Variants in EMSY observed in about 807,000 individuals in gnomAD.
EMSY encodes EMSY transcriptional repressor, BRCA2 interacting.
Under a neutral mutation model 134.6 loss-of-function variants are expected in EMSY, and 26 were observed. The ratio of observed to expected loss-of-function variants is 0.19; its 90% CI spans 0.14 to 0.27. The LOEUF is 0.27. Ranked by LOEUF, EMSY falls within the 10% of genes least tolerant of loss-of-function variation. EMSY has a pLI of 1.00. For missense variants in EMSY, 1,305 were observed against 1,611.4 expected (o/e 0.81, Z 3.26); for synonymous variants, 579 against 577.8 (o/e 1.00, Z -0.03).
intron 2 of EMSY, among the ~76,000 whole-genome samples, chr11:76,448,743 A>G (rs995803609): frequency 3.9e-5 from 6 of 152,110 alleles, no homozygotes; most frequent in African/African-American, 9.7e-5. Flanking sequence ...TATCATAACA[A>G]TGAAACCTTT....
At chr11:76,508,320 G>A (rs1052578153) in intron 9 of EMSY, among the ~76,000 whole-genome samples, 3 of 150,946 alleles carry the variant, frequency 2.0e-5, no homozygotes, top group South Asian at 2.1e-4. Context: ...ATTGTCAGTG[G>A]GTAGTAATAT....
intron 20 of EMSY, among the ~76,000 whole-genome samples, chr11:76,548,856 C>T (rs1426604300): frequency 1.3e-5 from 2 of 152,160 alleles, no homozygotes; most frequent in African/African-American, 4.8e-5. Context: ...TTCAACTTTG[C>T]TCTGGGGTTT....
At chr11:76,520,738 A>G (rs963462997) in intron 11 of EMSY, among the ~76,000 whole-genome samples, 1 of 152,184 alleles carries the variant, frequency 6.6e-6, no homozygotes, top group Non-Finnish European at 1.5e-5. Context: ...TATAACTAGA[A>G]TATTCTTATT....
chr11:76,480,596 T>C (rs1948934289), intron 8 of EMSY, among the ~76,000 whole-genome samples: 1 of 152,152 alleles, frequency 6.6e-6, no homozygotes, highest in African/African-American at 2.4e-5. Flanking sequence ...AGAGTTAATA[T>C]AAAAATGCTT....
chr11:76,491,595 C>T (rs1025128962), intron 8 of EMSY, among the ~76,000 whole-genome samples: 1 of 152,256 alleles, frequency 6.6e-6, no homozygotes, highest in Admixed American at 6.5e-5. Flanking sequence ...CAGAAGCCCT[C>T]ACCCAGTTTG....
At chr11:76,453,092 A>G (rs533052120) in intron 3 of EMSY, among the ~76,000 whole-genome samples, 1 of 152,308 alleles carries the variant, frequency 6.6e-6, no homozygotes, top group Non-Finnish European at 1.5e-5. Flanking sequence ...TATGATTTCT[A>G]ATTTGCAACT....
intron 9 of EMSY, among the ~76,000 whole-genome samples, chr11:76,499,813 T>TA: frequency 6.6e-6 from 1 of 152,122 alleles, no homozygotes; most frequent in East Asian, 1.9e-4. Flanking sequence ...CTTATGGTAT[T>TA]ACAGTATACA....
intron 9 of EMSY, among the ~76,000 whole-genome samples, chr11:76,510,583 C>G (rs1950239788): frequency 6.6e-6 from 1 of 152,156 alleles, no homozygotes; most frequent in Non-Finnish European, 1.5e-5. Flanking sequence ...GAGTCACTGC[C>G]TCACAAGCCA....
chr11:76,474,480 T>C (rs1948701310), intron 8 of EMSY, among the ~76,000 whole-genome samples: 1 of 152,188 alleles, frequency 6.6e-6, no homozygotes, highest in African/African-American at 2.4e-5. Context: ...AGGAAAACAG[T>C]GTCTTGATTG....
At chr11:76,479,664 G>C (rs1300729951) in intron 8 of EMSY, among the ~76,000 whole-genome samples, 7 of 152,220 alleles carry the variant, frequency 4.6e-5, no homozygotes, top group Admixed American at 2.6e-4. Flanking sequence ...AGCTGTTGGA[G>C]AAACTGGACA....
intron 9 of EMSY, among the ~76,000 whole-genome samples, chr11:76,498,809 T>C (rs1949745902): frequency 6.6e-6 from 1 of 152,242 alleles, no homozygotes. Flanking sequence ...CTGTAATTAA[T>C]ATAGCCACTC....
intron 2 of EMSY, among the ~76,000 whole-genome samples, chr11:76,450,904 C>G (rs1235255895): frequency 6.6e-6 from 1 of 151,860 alleles, no homozygotes; most frequent in Non-Finnish European, 1.5e-5. Flanking sequence ...AGTGATCCTC[C>G]CACGTCAGCC....
chr11:76,517,979 A>G (rs1030956678), intron 11 of EMSY, among the ~76,000 whole-genome samples: 3 of 151,854 alleles, frequency 2.0e-5, no homozygotes, highest in Non-Finnish European at 2.9e-5. Flanking sequence ...TATAAAGACA[A>G]TTTTCTTATT....
At chr11:76,504,108 C>T (rs2135960642) in intron 9 of EMSY, among the ~76,000 whole-genome samples, 1 of 151,700 alleles carries the variant, frequency 6.6e-6, no homozygotes, top group East Asian at 1.9e-4. Context: ...TTAAAAGATA[C>T]CATCAAGAAA....
chr11:76,471,788 A>C (rs565423547), intron 7 of EMSY, among the ~76,000 whole-genome samples: 1 of 152,294 alleles, frequency 6.6e-6, no homozygotes, highest in East Asian at 1.9e-4. Flanking sequence ...ACTTCTCTGC[A>C]GTTGTCTACT....
intron 9 of EMSY, among the ~76,000 whole-genome samples, chr11:76,501,736 C>A (rs76718217): frequency 6.6e-6 from 1 of 151,720 alleles, no homozygotes; most frequent in African/African-American, 2.4e-5. Context: ...AATGGAAGTA[C>A]GAGAGTTGGG....
rs184072275 is a variant in EMSY at position 76,549,321 on chromosome 11, T to C, written c.3775-631T>C. The stretch of plus-strand genomic sequence containing the variant: ...ATAGTGAGTACAATAGGAAACAATG[T>C]TGGGGTTTTAAACAAGAGTATGACA... On this transcript the variant is annotated intron_variant, in intron 20 of 20. Transcript: ENST00000334736. Among the ~76,000 whole-genome samples the C allele has an allele frequency of 2.0e-4, 31 of 152,192 alleles. No homozygotes were observed. The East Asian group carries it at 5.7e-3, about 28-fold the overall frequency.
chr11:76,498,307 A>G (rs1265438477), intron 9 of EMSY, among the ~76,000 whole-genome samples: 1 of 152,128 alleles, frequency 6.6e-6, no homozygotes, highest in Non-Finnish European at 1.5e-5. Flanking sequence ...TGTTGGGTGG[A>G]GTATTCTATA....
At chr11:76,524,391 C>T (rs955498151) in intron 12 of EMSY, among the ~76,000 whole-genome samples, 3 of 152,188 alleles carry the variant, frequency 2.0e-5, no homozygotes, top group African/African-American at 4.8e-5. Context: ...TTCACTAGAA[C>T]ATGGATTGCT....
Sources: gnomAD v4.1 joint callset for allele counts (sites outside exome capture counted in the v4.1 genomes callset) on GRCh38, gnomAD v4.1.1 for gene constraint, MANE v1.5 for transcripts, NCBI Gene and HGNC (gene_info 2026-07-23, HGNC 2026-07-21) for gene names.